Variants in TCF20 observed in about 807,000 individuals in gnomAD.
TCF20 encodes SPRE-binding protein.
A neutral mutation model predicts 148.6 loss-of-function variants in TCF20; 3 were observed. The observed-to-expected ratio is 0.02, with a 90% confidence interval of 0.01 to 0.05. The LOEUF (loss-of-function observed/expected upper bound fraction) is 0.05, where lower values mean the gene tolerates loss of function less well. Ranked by LOEUF, TCF20 falls within the 10% of genes least tolerant of loss-of-function variation. The pLI, the probability that TCF20 is intolerant of heterozygous loss-of-function variation, is 1.00. For missense variants in TCF20, 2,350 were observed against 2,429.3 expected (o/e 0.97, Z 0.69); for synonymous variants, 1,049 against 909.5 (o/e 1.15, Z -2.76).
intron 1 of TCF20, among the ~76,000 whole-genome samples, chr22:42,224,998 C>G (rs1922735955): frequency 8.7e-6 from 1 of 114,642 alleles, no homozygotes; most frequent in Non-Finnish European, 1.8e-5. Context: ...AGGAAATAAT[C>G]ACTTTTTTTT....
chr22:42,242,267 G>A (rs1445002466), intron 1 of TCF20, among the ~76,000 whole-genome samples: 7 of 149,552 alleles, frequency 4.7e-5, no homozygotes, highest in Non-Finnish European at 1.0e-4. Flanking sequence ...ATGTATCCCT[G>A]TATGGGTGGA....
chr22:42,236,013 G>A (rs1923850081), intron 1 of TCF20, among the ~76,000 whole-genome samples: 1 of 152,070 alleles, frequency 6.6e-6, no homozygotes, highest in Non-Finnish European at 1.5e-5. Context: ...GGCCAACATG[G>A]TGAAACCCTG....
chr22:42,211,210 T>A lies in TCF20; in HGVS notation c.4096A>T (p.Arg1366Trp). The change falls in exon 2 of 6, where the codon AGG (arginine) becomes TGG (tryptophan). Residue 1366 changes from arginine (R) to tryptophan (W), a missense_variant. This residue lies in a region of TCF20 where 231 missense variants were observed against 213.7 expected (regional missense o/e 1.08). Transcript: ENST00000677622. ...VQKITSPNIR[R>W]SASSNSAEAG... ...TCCGCACTGTTCGAAGATGCGCTCC[T>A]CCTAATATTTGGGGATGTAATCTTC... is the stretch of plus-strand genomic sequence containing the variant. 1 of 1,614,196 alleles carries A rather than the reference T, an allele frequency of 6.2e-7. No individual in the cohort carries two copies. The highest frequency in any genetic ancestry group is 1.1e-5 in the South Asian group (1 of 91,086).
At chr22:42,163,642 CT>C (rs1325847727) in intron 5 of TCF20, among the ~76,000 whole-genome samples, 3 of 152,210 alleles carry the variant, frequency 2.0e-5, no homozygotes, top group Non-Finnish European at 4.4e-5. Flanking sequence ...GGGACTGGGG[CT>C]TTCCCAACTG....
At chr22:42,169,750 T>A in intron 4 of TCF20, 97 bp downstream of exon 4, 1 of 1,294,172 alleles carries the variant, frequency 7.7e-7, no homozygotes, top group Non-Finnish European at 1.1e-6. Context: ...TGGGGACAGG[T>A]GTGGGTGAGG....
chr22:42,337,419 A>C (rs1928085522), intron 1 of TCF20, among the ~76,000 whole-genome samples: 1 of 151,662 alleles, frequency 6.6e-6, no homozygotes, highest in Non-Finnish European at 1.5e-5. Flanking sequence ...CCTGCCTGTC[A>C]CTTCTGCTTA....
Position 42,214,666 on chromosome 22 carries a change from G to C in TCF20, c.640C>G (p.Pro214Ala). The change falls in exon 2 of 6, where the codon CCC (proline) becomes GCC (alanine). Residue 214 changes from proline to alanine, a missense_variant. Coordinates refer to ENST00000677622, the MANE Select transcript of TCF20 (RefSeq NM_001378418.1). Reference sequence around the variant, plus strand: ...GCAGCAGAGGATGGCAGAGTTGAGGGCCGCTGCATTGGCTGTAGATGGGAT... The same window carrying C: ...GCAGCAGAGGATGGCAGAGTTGAGGCCCGCTGCATTGGCTGTAGATGGGAT... ...SSSHLQPMQR[P>A]STLPSSAAGY... 1 of 1,614,166 alleles carries C rather than the reference G, an allele frequency of 6.2e-7. No individual in the cohort carries two copies. The highest frequency in any genetic ancestry group is 8.5e-7 in the Non-Finnish European group (1 of 1,180,032).
chr22:42,193,143 C>T (rs1245845332), intron 2 of TCF20, among the ~76,000 whole-genome samples: 1 of 151,708 alleles, frequency 6.6e-6, no homozygotes, highest in African/African-American at 2.4e-5. Context: ...GAGTACAATC[C>T]TCATTTCAAC....
chr22:42,234,674 T>C (rs781574816), intron 1 of TCF20, among the ~76,000 whole-genome samples: 7 of 152,114 alleles, frequency 4.6e-5, no homozygotes, highest in Non-Finnish European at 7.4e-5. Flanking sequence ...AACCAAAAAA[T>C]AGTTTGCAGG....
At chr22:42,231,087 G>C (rs946475649) in intron 1 of TCF20, among the ~76,000 whole-genome samples, 1 of 152,094 alleles carries the variant, frequency 6.6e-6, no homozygotes, top group Non-Finnish European at 1.5e-5. Flanking sequence ...GCTTGAACTC[G>C]CGACATGGAG....
chr22:42,213,412 G>A lies in TCF20; in HGVS notation c.1894C>T (p.Pro632Ser), dbSNP rs1378093754. Residue 632 changes from proline to serine, a missense_variant, in exon 2 of 6, where the codon CCT becomes TCT. This residue lies in a region of TCF20 where 1,641 missense variants were observed against 1,662.6 expected (regional missense o/e 0.99). Transcript: ENST00000677622. ...CTAGGTGGCCTTTGAGTGGCTGCAG[G>A]ATCATCCTCTTGGGAGCCTTTATCT... Reference protein sequence around the residue: ...GQDKGSQEDDPAATQRPPSNG... With the variant: ...GQDKGSQEDDSAATQRPPSNG... 1.2e-6 allele frequency: 2 copies of A among 1,614,170 alleles called. No individual in the cohort carries two copies. Among genetic ancestry groups the A allele is most frequent in the Non-Finnish European group, 1.7e-6 (2 of 1,180,028 alleles).
Position 42,210,016 on chromosome 22 carries a change from T to C in TCF20, c.5290A>G (p.Thr1764Ala), listed in dbSNP as rs1173861171. The change falls in exon 2 of 6, where the codon ACT becomes GCT. Residue 1764 changes from threonine (T) to alanine (A), a missense_variant. Physicochemically the swap from Thr to Ala is moderately conservative, Grantham distance 58 (BLOSUM62 0). Coordinates refer to ENST00000677622, the MANE Select transcript of TCF20 (RefSeq NM_001378418.1). This position sits in a 1 kb window ranked among gnomAD's most constrained non-coding sequence, Gnocchi z 4.7. ...TGCTGCTGCTCTTCCTCCTCCTCAG[T>C]GTCCGTCTTGGAGCCATTAGAAGCA... ...KSASNGSKTDTEEEEEQQQQQ... is the reference protein window; with the variant it reads ...KSASNGSKTDAEEEEEQQQQQ... 1.2e-6 allele frequency: 2 copies of C among 1,612,748 alleles called. No homozygotes were observed. The highest frequency in any genetic ancestry group is 1.7e-6 in the Non-Finnish European group (2 of 1,180,034).
At chr22:42,231,473 T>G (rs1323258716) in intron 1 of TCF20, among the ~76,000 whole-genome samples, 1 of 151,792 alleles carries the variant, frequency 6.6e-6, no homozygotes, top group Non-Finnish European at 1.5e-5. Context: ...GAGTAAGACC[T>G]TATCTCTAAG....
intron 2 of TCF20, among the ~76,000 whole-genome samples, chr22:42,187,743 CTTCA>C (rs1260666204): frequency 6.6e-6 from 1 of 152,172 alleles, no homozygotes; most frequent in African/African-American, 2.4e-5. Flanking sequence ...GACTTTTCTC[CTTCA>C]TTAAGAATGT....
chr22:42,264,124 T>G (rs1337229205), intron 1 of TCF20, among the ~76,000 whole-genome samples: 6 of 152,076 alleles, frequency 3.9e-5, no homozygotes, highest in Non-Finnish European at 7.4e-5. Flanking sequence ...AAAGCCTTTC[T>G]GATCCGCACA....
At chr22:42,342,550 C>G (rs1928186146) in intron 1 of TCF20, among the ~76,000 whole-genome samples, 1 of 152,200 alleles carries the variant, frequency 6.6e-6, no homozygotes, top group African/African-American at 2.4e-5. Flanking sequence ...GAGGTGAAGC[C>G]AGGGGGCTGT....
chr22:42,278,998 C>T (rs1926843031), intron 1 of TCF20, among the ~76,000 whole-genome samples: 1 of 152,180 alleles, frequency 6.6e-6, no homozygotes, highest in Non-Finnish European at 1.5e-5. Context: ...ACCCCTTCCC[C>T]TGCCCACCTG....
At chr22:42,234,402 C>G (rs1264821670) in intron 1 of TCF20, among the ~76,000 whole-genome samples, 1 of 152,108 alleles carries the variant, frequency 6.6e-6, no homozygotes, top group Admixed American at 6.5e-5. Flanking sequence ...AGCCAATGAA[C>G]CTTTTTACAG....
rs757449902 is a variant in TCF20 at position 42,214,888 on chromosome 22, G to T, written c.418C>A (p.Gln140Lys). The T allele has an allele frequency of 1.2e-6, 2 of 1,614,094 alleles. No individual in the cohort carries two copies. Among genetic ancestry groups the T allele is most frequent in the Non-Finnish European group, 1.7e-6 (2 of 1,180,054 alleles). ...CCGCCAAGGCCAGAGTGCTGTGCTT[G>T]AAACTGGCCCACATGACCCTCACTC... Reference protein sequence around the residue: ...YGSEGHVGQFQAQHSGLGGVS... With the variant: ...YGSEGHVGQFKAQHSGLGGVS... The change falls in exon 2 of 6, where the codon CAA (glutamine) becomes AAA (lysine). Residue 140 changes from glutamine to lysine, a missense_variant. Around this residue, in one of 7 missense-constraint regions of TCF20, gnomAD observed 1,641 missense variants for 1,662.6 expected, o/e 0.99. Transcript: ENST00000677622.
Sources: allele counts gnomAD v4.1 joint callset (sites outside exome capture counted in the v4.1 genomes callset), GRCh38; gene constraint gnomAD v4.1.1; regional missense constraint gnomAD v4.1.1; non-coding constraint Gnocchi (gnomAD v3.1); transcripts MANE v1.5; gene names NCBI Gene and HGNC (gene_info 2026-07-23, HGNC 2026-07-21).